Variants in MVB12A observed in about 807,000 individuals in gnomAD.
The protein encoded by MVB12A is multivesicular body subunit 12A.
In MVB12A, 30 loss-of-function variants were observed where a neutral mutation model predicts 34.3. The ratio of observed to expected loss-of-function variants is 0.88; its 90% CI spans 0.65 to 1.19. The LOEUF (loss-of-function observed/expected upper bound fraction) is 1.19, where lower values mean the gene tolerates loss of function less well. MVB12A is among the 50% of genes most tolerant of loss of function. The pLI is 0.00. For synonymous variants in MVB12A, 158 were observed against 158.9 expected, an observed-to-expected ratio of 0.99 and a Z score of 0.04; for missense variants, 355 against 369.2, an observed-to-expected ratio of 0.96 and a Z score of 0.31.
At chr19:17,418,751 G>C (rs377168202), upstream of MVB12A, 18 of 151,686 alleles carry the variant, frequency 1.2e-4, no homozygotes, top group African/African-American at 4.4e-4. Context: ...TTAAACACTG[G>C]GGTCTCCTTA....
chr19:17,425,055 CCCCCTCACTGCATCCTGGG>C lies in MVB12A; in HGVS notation c.*63_*81del. On this transcript the variant is annotated 3_prime_UTR_variant, in exon 9 of 9. Transcript: ENST00000317040. Reference sequence around the variant, plus strand: ...ACCTCCCCGCCAGCCTGGGGCCACCCCCCCTCACTGCATCCTGGGGCCACCCCCACTCACTGCATCCTGG... The same window carrying C: ...ACCTCCCCGCCAGCCTGGGGCCACCCGCCACCCCCACTCACTGCATCCTGG... 2.4e-6 allele frequency: 2 copies of C among 841,434 alleles called. No individual in the cohort carries two copies. Among genetic ancestry groups the C allele is most frequent in the South Asian group, 3.2e-5 (2 of 63,268 alleles). 52.1% of individuals were successfully genotyped at this position (841,434 alleles called of 1,614,324 possible).
chr19:17,407,058 A>C (rs1056751615), intron 2 of MVB12A, among the ~76,000 whole-genome samples: 3 of 152,208 alleles, frequency 2.0e-5, no homozygotes, highest in South Asian at 2.1e-4. Context: ...TCACAATTGC[A>C]TGAATTGCAC....
rs2145762810 is a variant in MVB12A at position 17,422,382 on chromosome 19, G to A, written c.337G>A (p.Gly113Arg). The change falls in exon 4 of 9, where the codon GGA becomes AGA. Residue 113 changes from glycine to arginine, a missense_variant. Coordinates refer to ENST00000317040, the MANE Select transcript of MVB12A (RefSeq NM_138401.4). ...CATGTGTGTGAAGCTGTTGCCCCTG[G>A]GAGCCACGGACACGGCTGTGTTTGA... ...KRMCVKLLPL[G>R]ATDTAVFDVR... The A allele has an allele frequency of 6.2e-7, 1 of 1,613,508 alleles. No individual in the cohort carries two copies. Among genetic ancestry groups the A allele is most frequent in the Non-Finnish European group, 8.5e-7 (1 of 1,179,712 alleles).
At chr19:17,414,957 G>A (rs2074789814) in intron 2 of MVB12A, 2 of 152,292 alleles carry the variant, frequency 1.3e-5, no homozygotes, top group African/African-American at 4.8e-5. Context: ...GGGAGGCAGA[G>A]GCTGGCGGAT....
At position 17,424,051 on chromosome 19, in the gene MVB12A, A is replaced by G. The variant is rs1182671843; in HGVS notation, c.686A>G (p.Lys229Arg). 6.8e-6 allele frequency: 11 copies of G among 1,614,002 alleles called. No homozygotes were observed. The highest frequency in any genetic ancestry group is 3.3e-4 in the Middle Eastern group (2 of 6,084). Reference protein sequence around the residue: ...PFTLHPRFEGKSCSPLAFSAF... With the variant: ...PFTLHPRFEGRSCSPLAFSAF... ...ACACTCCACCCACGATTTGAGGGCA[A>G]GAGCTGCAGCCCCCTGGTGAGTCGG... The change falls in exon 7 of 9, where the codon AAG becomes AGG. Residue 229 changes from lysine to arginine, a missense_variant. Transcript: ENST00000317040.
Position 17,420,503 on chromosome 19 carries a change from T to C in MVB12A, c.190-35T>C, listed in dbSNP as rs879304000. On this transcript the variant is annotated intron_variant, in intron 2 of 8. Transcript: ENST00000317040. The stretch of plus-strand genomic sequence containing the variant: ...ATGCCAGGTGCGCTGTCCCCGCTGC[T>C]AGCCACCCTCGCCGTGTCCCCCTTC... The C allele has an allele frequency of 3.2e-5, 50 of 1,584,604 alleles. No homozygotes were observed. In the African/African-American group the frequency reaches 5.9e-4, roughly 19 times the overall value.
Position 17,425,196 on chromosome 19 carries a change from C to A in MVB12A, c.*203C>A. ...GGTCGAGGCTGCGTGGTGATGGGGT[C>A]TCCGCCCCCACGCCCTGCCGGGCAG... On this transcript the variant is annotated 3_prime_UTR_variant, in exon 9 of 9. Transcript: ENST00000317040. 1 of 535,268 alleles carries A rather than the reference C, an allele frequency of 1.9e-6. No individual in the cohort carries two copies. Among genetic ancestry groups the A allele is most frequent in the South Asian group, 2.5e-5 (1 of 40,198 alleles). The allele number at this position is 535,268 out of a possible 1,614,324, so 33.2% of individuals were successfully genotyped here. A position where few individuals can be genotyped will look rare whatever the true frequency, so the allele number is the denominator to read the frequency against.
chr19:17,423,383 C>A, intron 4 of MVB12A, 115 bp from the exon 5 acceptor site: 34 of 1,234,202 alleles, frequency 2.8e-5, no homozygotes, highest in Non-Finnish European at 3.2e-5. Context: ...AAAAAAAATT[C>A]CCCCAAAAGA....
At chr19:17,406,893 G>A (rs1048592168) in intron 2 of MVB12A, among the ~76,000 whole-genome samples, 1 of 152,136 alleles carries the variant, frequency 6.6e-6, no homozygotes, top group East Asian at 1.9e-4. Context: ...AATTCTGAGG[G>A]TGAACTTGTC....
rs535010672 is a variant in MVB12A, at chr19:17,423,354, C to T, written c.414-144C>T. 2.4e-3 allele frequency: 2,588 copies of T among 1,060,928 alleles called. 23 individuals are homozygous for T. The highest frequency in any genetic ancestry group is 4.2e-3 in the East Asian group (172 of 40,488). The allele number at this position is 1,060,928 out of a possible 1,614,324, so 65.7% of individuals were successfully genotyped here. ...AGCCTGGGCAACATGAGCGAAACTC[C>T]GTCCCCAAAAAAAAAAAAAAAAAAA... is the stretch of plus-strand genomic sequence containing the variant. On this transcript the variant is annotated intron_variant, in intron 4 of 8. Transcript: ENST00000317040.
chr19:17,420,015 G>GGCCCCCCCCCCCCCC, upstream of MVB12A: 2 of 221,218 alleles, frequency 9.0e-6, no homozygotes, highest in Non-Finnish European at 1.4e-5. Context: ...GGCAATCTCC[G>GGCCCCCCCCCCCCCC]CCCCCCCCCC....
In MVB12A at chr19:17,423,607, A is replaced by G. The variant is rs766172205; in HGVS notation, c.523A>G (p.Ser175Gly). The G allele has an allele frequency of 7.4e-5, 119 of 1,614,098 alleles. 2 individuals carry two copies. In the South Asian group the frequency reaches 1.3e-3, roughly 17 times the overall value. Residue 175 changes from serine to glycine, a missense_variant, in exon 5 of 9, where the codon AGC becomes GGC. Ser to Gly is a moderately conservative substitution (Grantham distance 56, BLOSUM62 0). Coordinates refer to ENST00000317040, the MANE Select transcript of MVB12A (RefSeq NM_138401.4). ...GCAGGGCCTCTCTCTGGATGCAGCC[A>G]GCCAGCCAAGGTGAGTCCTCAGGCA... is the stretch of plus-strand genomic sequence containing the variant. The part of the protein sequence containing the change: ...DMQGLSLDAA[S>G]QPSKGGLLER...
At chr19:17,410,497 C>CATATATAT (rs373127253) in intron 2 of MVB12A, among the ~76,000 whole-genome samples, 2,615 of 77,242 alleles carry the variant, frequency 0.034, 72 homozygotes, top group Non-Finnish European at 0.039. Flanking sequence ...GTTTTAGCTT[C>CATATATAT]ATATATATAT....
upstream of MVB12A, among the ~76,000 whole-genome samples, chr19:17,416,242 G>A (rs147285161): frequency 2.3e-5 from 2 of 87,720 alleles, no homozygotes; most frequent in East Asian, 5.7e-4. Flanking sequence ...CCACTGAGTA[G>A]CTGGGATTAC....
chr19:17,412,264 TTCTC>T (rs2074774128), intron 2 of MVB12A, among the ~76,000 whole-genome samples: 1 of 152,008 alleles, frequency 6.6e-6, no homozygotes, highest in Non-Finnish European at 1.5e-5. Context: ...CTTTTGCTCT[TTCTC>T]TCTCTCTTTC....
chr19:17,405,856 C>T (rs1226754232), intron 1 of MVB12A: 6 of 348,000 alleles, frequency 1.7e-5, no homozygotes, highest in Non-Finnish European at 2.7e-5. Flanking sequence ...TGGGACACTC[C>T]ATCTTAAGTC....
intron 2 of MVB12A, among the ~76,000 whole-genome samples, chr19:17,409,417 C>T (rs1016858011): frequency 2.0e-5 from 3 of 150,754 alleles, no homozygotes; most frequent in African/African-American, 7.4e-5. Context: ...AGGCATGAGC[C>T]ACCGCTCCCA....
At chr19:17,414,770 G>A (rs2074788817) in intron 2 of MVB12A, 1 of 152,318 alleles carries the variant, frequency 6.6e-6, no homozygotes, top group Non-Finnish European at 1.5e-5. Context: ...TCGGGAGGCT[G>A]AGGCAGGAGA....
chr19:17,410,581 T>C (rs11673353), intron 2 of MVB12A, among the ~76,000 whole-genome samples: 2 of 136,168 alleles, frequency 1.5e-5, no homozygotes, highest in Admixed American at 7.6e-5. Flanking sequence ...TATATACATA[T>C]ATATATACAC....
Sources: gnomAD v4.1 joint callset for allele counts (sites outside exome capture counted in the v4.1 genomes callset) on GRCh38, gnomAD v4.1.1 for gene constraint, MANE v1.5 for transcripts, NCBI Gene and HGNC (gene_info 2026-07-23, HGNC 2026-07-21) for gene names.